The following CDC14A variants were observed in gnomAD, a reference collection of about 807,000 sequenced individuals.
The protein encoded by CDC14A is dual specificity protein phosphatase CDC14A.
In CDC14A, 53 loss-of-function variants were observed where a neutral mutation model predicts 74.4. That is an observed-to-expected ratio of 0.71 (90% confidence interval 0.57 to 0.89). The LOEUF (loss-of-function observed/expected upper bound fraction) is 0.89. CDC14A is among the 40% of genes least tolerant of loss of function. CDC14A has a pLI of 0.00. For synonymous variants in CDC14A, 247 were observed against 258.4 expected (o/e 0.96, Z 0.43); for missense variants, 646 against 713.7 (o/e 0.91, Z 1.08).
intron 3 of CDC14A, among the ~76,000 whole-genome samples, chr1:100,389,204 G>A (rs928653078): frequency 1.4e-5 from 2 of 141,596 alleles, no homozygotes; most frequent in Non-Finnish European, 3.1e-5. Flanking sequence ...AAAAAAAAAG[G>A]TAAAAGATAA....
intron 1 of CDC14A, among the ~76,000 whole-genome samples, chr1:100,346,006 A>G (rs1650383246): frequency 6.6e-6 from 1 of 152,036 alleles, no homozygotes; most frequent in Non-Finnish European, 1.5e-5. Flanking sequence ...CCCTGTCTCT[A>G]CTAAAAATAC....
At chr1:100,394,438 C>T (rs948929931) in intron 4 of CDC14A, among the ~76,000 whole-genome samples, 3 of 152,160 alleles carry the variant, frequency 2.0e-5, no homozygotes, top group African/African-American at 4.8e-5. Context: ...TTTTTAACAC[C>T]TATTCTTCCT....
rs751728846 is a variant in CDC14A, at chr1:100,352,851, C to G, written c.-104C>G. 13 of 1,579,880 alleles carry G rather than the reference C, an allele frequency of 8.2e-6. No homozygotes were observed. In the South Asian group the frequency reaches 1.2e-4, roughly 15 times the overall value. ...GCCTCCCTCGGCCAGGCTTGTTGTT[C>G]GGGACTGTGAGCTTCCTGGCTCCTG... On this transcript the variant is annotated 5_prime_UTR_variant, in exon 1 of 16. Coordinates refer to ENST00000336454, the MANE Select transcript of CDC14A (RefSeq NM_003672.4).
intron 2 of CDC14A, among the ~76,000 whole-genome samples, chr1:100,374,245 G>A (rs536074044): frequency 2.0e-5 from 3 of 152,230 alleles, no homozygotes; most frequent in South Asian, 4.2e-4. Flanking sequence ...TTGCTATTGT[G>A]AATAGAGCCG....
At chr1:100,485,696 C>G (rs1366617088) in intron 11 of CDC14A, 2 of 152,236 alleles carry the variant, frequency 1.3e-5, no homozygotes, top group Non-Finnish European at 2.9e-5. Flanking sequence ...GCTTAGCCCA[C>G]AAGGAGCCCA....
chr1:100,499,270 C>T lies in CDC14A; in HGVS notation c.1755+8C>T, dbSNP rs139956023. ...CTGAGCCGTTCTATCCCTGTAAGTG[C>T]GCAGACACCACCTCCTGGTCCTCAG... On this transcript the variant is annotated splice_region_variant and intron_variant, in intron 15 of 15. Coordinates refer to ENST00000336454, the MANE Select transcript of CDC14A (RefSeq NM_003672.4). 1,261 of 1,614,204 alleles carry T rather than the reference C, an allele frequency of 7.8e-4. 8 individuals carry two copies. The African/African-American group carries it at 0.014, about 18-fold the overall frequency.
chr1:100,390,752 G>C lies in CDC14A; in HGVS notation c.237G>C (p.Lys79Asn). 1 of 1,612,174 alleles carries C rather than the reference G, an allele frequency of 6.2e-7. No homozygotes were observed. The highest frequency in any genetic ancestry group is 1.1e-5 in the South Asian group (1 of 91,048). The part of the protein sequence containing the change: ...KKLKSYSLSR[K>N]KIVHYTCFDQ... ...TCTAGTCATACAGTTTGTCAAGAAA[G>C]AAAATAGTGCACTACACCTGTTTTG... Residue 79 changes from lysine to asparagine, a missense_variant, in exon 4 of 16, where the codon AAG becomes AAC. Coordinates refer to ENST00000336454, the MANE Select transcript of CDC14A (RefSeq NM_003672.4).
chr1:100,443,748 A>T, intron 7 of CDC14A, among the ~76,000 whole-genome samples: 1 of 152,110 alleles, frequency 6.6e-6, no homozygotes, highest in East Asian at 1.9e-4. Flanking sequence ...AAGACTTTTG[A>T]TTAATGTCTT....
chr1:100,466,339 A>G (rs930307701), intron 9 of CDC14A, among the ~76,000 whole-genome samples: 3 of 152,166 alleles, frequency 2.0e-5, no homozygotes, highest in African/African-American at 7.2e-5. Flanking sequence ...TTTTATCTAT[A>G]CGGTTGCCTA....
intron 5 of CDC14A, among the ~76,000 whole-genome samples, chr1:100,429,570 G>T (rs1663388949): frequency 6.6e-6 from 1 of 151,546 alleles, no homozygotes; most frequent in African/African-American, 2.4e-5. Flanking sequence ...CAGAAATTTT[G>T]CTGTAATTGG....
chr1:100,386,972 T>G (rs1656963111), intron 3 of CDC14A, among the ~76,000 whole-genome samples: 1 of 152,016 alleles, frequency 6.6e-6, no homozygotes, highest in Non-Finnish European at 1.5e-5. Flanking sequence ...ATTTTTTAAG[T>G]GGGGGACATG....
At chr1:100,351,209 TAA>T (rs113284769), upstream of CDC14A, among the ~76,000 whole-genome samples, 1 of 142,942 alleles carries the variant, frequency 7.0e-6, no homozygotes, top group African/African-American at 2.6e-5. Context: ...AAACACACAT[TAA>T]AAAAAAAAAA....
intron 9 of CDC14A, among the ~76,000 whole-genome samples, chr1:100,466,595 G>A (rs1264591075): frequency 6.6e-6 from 1 of 152,146 alleles, no homozygotes; most frequent in Admixed American, 6.5e-5. Flanking sequence ...GGTTAGCCGG[G>A]AGTGGTGGCC....
intron 11 of CDC14A, among the ~76,000 whole-genome samples, chr1:100,492,964 C>T: frequency 6.6e-6 from 1 of 151,788 alleles, no homozygotes; most frequent in South Asian, 2.1e-4. Context: ...CAGTTAGATC[C>T]CTAATTTTCT....
chr1:100,499,985 A>G (rs991057083), intron 15 of CDC14A, among the ~76,000 whole-genome samples: 1 of 152,198 alleles, frequency 6.6e-6, no homozygotes, highest in Non-Finnish European at 1.5e-5. Flanking sequence ...TGAGATCTCT[A>G]TTTAGGTTAC....
intron 5 of CDC14A, among the ~76,000 whole-genome samples, chr1:100,427,229 G>A (rs909328487): frequency 6.6e-6 from 1 of 152,112 alleles, no homozygotes; most frequent in Non-Finnish European, 1.5e-5. Flanking sequence ...AATTAAAAAT[G>A]AGAAGCCTTA....
intron 11 of CDC14A, chr1:100,485,834 G>T (rs367706085): frequency 9.4e-4 from 143 of 152,308 alleles, no homozygotes; most frequent in African/African-American, 3.3e-3. Flanking sequence ...AGGGACAAAG[G>T]ATGGAGACCG....
intron 5 of CDC14A, among the ~76,000 whole-genome samples, chr1:100,428,519 G>A (rs1257795590): frequency 1.3e-5 from 2 of 152,146 alleles, no homozygotes; most frequent in African/African-American, 4.8e-5. Context: ...GACAATCTAG[G>A]TATGAATCTT....
upstream of CDC14A, among the ~76,000 whole-genome samples, chr1:100,348,057 G>A (rs1261737199): frequency 2.0e-5 from 3 of 152,208 alleles, no homozygotes; most frequent in East Asian, 5.8e-4. Context: ...GGCGAGGTGG[G>A]CGGATCACGA....
Sources: allele counts gnomAD v4.1 joint callset (sites outside exome capture counted in the v4.1 genomes callset), GRCh38; gene constraint gnomAD v4.1.1; transcripts MANE v1.5; gene names NCBI Gene and HGNC (gene_info 2026-07-23, HGNC 2026-07-21).